The following XIAP variants were observed in gnomAD, a reference collection of about 807,000 sequenced individuals.
The protein encoded by XIAP is E3 ubiquitin-protein ligase XIAP.
Under a neutral mutation model 33.1 loss-of-function variants are expected in XIAP, and 3 were observed. The ratio of observed to expected loss-of-function variants is 0.09; its 90% CI spans 0.04 to 0.23. The LOEUF (loss-of-function observed/expected upper bound fraction) is 0.23, where lower values mean the gene tolerates loss of function less well. Among genes scored for constraint, XIAP ranks in the 10% least tolerant of loss-of-function variants. XIAP has a pLI of 1.00. For missense variants in XIAP, 264 were observed against 363.0 expected (o/e 0.73, Z 2.22); for synonymous variants, 98 against 121.3 (o/e 0.81, Z 1.26).
rs1420455142 is a variant in XIAP at position 123,907,944 on chromosome X, G to A, written c.*763G>A. ...GATATACACCAAACTGTTAAATGTG[G>A]TTTCTCTTCGGGGAGGGGGGGATTG... On this transcript the variant is annotated 3_prime_UTR_variant, in exon 7 of 7. Coordinates refer to ENST00000371199, the MANE Select transcript of XIAP (RefSeq NM_001167.4). 7 of 289,708 alleles carry A rather than the reference G, an allele frequency of 2.4e-5. No homozygotes were observed. Among genetic ancestry groups the A allele is most frequent in the Non-Finnish European group, 3.7e-5 (6 of 161,286 alleles). 23.9% of individuals were successfully genotyped at this position (289,708 alleles called of 1,213,427 possible).
intron 1 of XIAP, among the ~76,000 whole-genome samples, chrX:123,861,492 C>T (rs1385010819): frequency 9.0e-6 from 1 of 110,519 alleles, no homozygotes; most frequent in Non-Finnish European, 1.9e-5. Flanking sequence ...TTCACATGTA[C>T]GTGTGTATAC....
intron 6 of XIAP, among the ~76,000 whole-genome samples, chrX:123,901,242 G>A (rs765848881): frequency 5.4e-5 from 6 of 111,573 alleles, no homozygotes; most frequent in Admixed American, 2.9e-4. Flanking sequence ...AAAATTAGCC[G>A]GGCATGGTGG....
At chrX:123,874,179 A>G (rs766785302) in intron 1 of XIAP, among the ~76,000 whole-genome samples, 1 of 111,934 alleles carries the variant, frequency 8.9e-6, no homozygotes, top group East Asian at 2.8e-4. Flanking sequence ...AAATAACCAG[A>G]TTACACCCAT....
At chrX:123,877,776 A>C (rs1376012439) in intron 1 of XIAP, among the ~76,000 whole-genome samples, 1 of 110,625 alleles carries the variant, frequency 9.0e-6, no homozygotes, top group Non-Finnish European at 1.9e-5. Context: ...GGTCGAGACC[A>C]TCCTGGCTAA....
chrX:123,868,734 A>C (rs1214836394), intron 1 of XIAP, among the ~76,000 whole-genome samples: 1 of 111,612 alleles, frequency 9.0e-6, no homozygotes, highest in African/African-American at 3.3e-5. Context: ...CCTATCTCAA[A>C]AAACAAAAAC....
intron 6 of XIAP, among the ~76,000 whole-genome samples, chrX:123,902,031 G>T (rs1391150243): frequency 9.0e-6 from 1 of 111,282 alleles, no homozygotes; most frequent in African/African-American, 3.3e-5. Flanking sequence ...ACAGGGTTTC[G>T]CCAAGTTGGC....
chrX:123,896,459 A>G (rs922650452), intron 5 of XIAP, among the ~76,000 whole-genome samples: 2 of 111,014 alleles, frequency 1.8e-5, no homozygotes, highest in South Asian at 3.7e-4. Flanking sequence ...AGATCTTTAT[A>G]TATTACAGTT....
At chrX:123,868,140 C>T (rs990473737) in intron 1 of XIAP, among the ~76,000 whole-genome samples, 1 of 105,530 alleles carries the variant, frequency 9.5e-6, no homozygotes, top group Non-Finnish European at 2.0e-5. Flanking sequence ...TGGGCAACAT[C>T]GTGAGACCCC....
In XIAP at chrX:123,885,755, A is replaced by G; in HGVS notation, c.93A>G (p.Lys31=). Residue 31 remains lysine (K), a synonymous_variant, in exon 2 of 7, where the codon AAA becomes AAG. Transcript: ENST00000371199. The stretch of plus-strand genomic sequence containing the variant: ...TTGTAGAAGAGTTTAATAGATTAAA[A>G]ACTTTTGCTAATTTTCCAAGTGGTA... ...EEFVEEFNRL[K]TFANFPSGSP... is the part of the protein sequence containing the mutation. 1 of 1,211,521 alleles carries G rather than the reference A, an allele frequency of 8.3e-7. No individual in the cohort carries two copies. Among genetic ancestry groups the G allele is most frequent in the Non-Finnish European group, 1.1e-6 (1 of 895,459 alleles).
In XIAP at chrX:123,913,198, A is replaced by G. The variant is rs192084571; in HGVS notation, c.*6017A>G. The G allele has an allele frequency of 2.1e-5, 7 of 326,318 alleles. No individual in the cohort carries two copies. Among genetic ancestry groups the G allele is most frequent in the East Asian group, 1.0e-4 (1 of 10,041 alleles). 26.9% of individuals were successfully genotyped at this position (326,318 alleles called of 1,213,427 possible). On this transcript the variant is annotated 3_prime_UTR_variant, in exon 7 of 7. Coordinates refer to ENST00000371199, the MANE Select transcript of XIAP (RefSeq NM_001167.4). The stretch of plus-strand genomic sequence containing the variant: ...TCAAAGTAGACAAATGGCGCCGGGC[A>G]CGGTGGCTCACGCCTGTAATCCCAG...
rs369667954 is a variant in XIAP, at chrX:123,894,952, A to G, written c.1099+2179A>G. Among the ~76,000 whole-genome samples the G allele has an allele frequency of 2.0e-4, 13 of 65,976 alleles. No individual in the cohort carries two copies. In the South Asian group the frequency reaches 3.5e-3, roughly 18 times the overall value. The allele number at this position is 65,976 out of a possible 115,157, so 57.3% of individuals were successfully genotyped here. ...GACCGAGATTCTATCTCAAACATAA[A>G]TAAGTAAATAAATAAATAAATAAAT... On this transcript the variant is annotated intron_variant, in intron 5 of 6. Transcript: ENST00000371199.
rs2053630092 is a variant in XIAP at position 123,913,972 on chromosome X, A to G, written c.*6791A>G. The G allele has an allele frequency of 3.4e-6, 1 of 292,153 alleles. No individual in the cohort carries two copies. The highest frequency in any genetic ancestry group is 4.3e-5 in the Admixed American group (1 of 23,264). The allele number at this position is 292,153 out of a possible 1,213,427, so 24.1% of individuals were successfully genotyped here. On this transcript the variant is annotated 3_prime_UTR_variant, in exon 7 of 7. Transcript: ENST00000371199. ...CAATAAAATACTATTCTTTAAAATT[A>G]TATCATACTACCTTGTATTTGTTTC...
intron 1 of XIAP, among the ~76,000 whole-genome samples, chrX:123,866,765 G>A (rs369768504): frequency 9.5e-6 from 1 of 104,813 alleles, no homozygotes; most frequent in East Asian, 3.0e-4. Context: ...CTGAACCTCC[G>A]CCTCCCAGGT....
At chrX:123,893,662 G>A (rs981896386) in intron 5 of XIAP, among the ~76,000 whole-genome samples, 4 of 111,805 alleles carry the variant, frequency 3.6e-5, no homozygotes, top group South Asian at 3.7e-4. Context: ...CCAACATGGC[G>A]AAACCCCATC....
intron 2 of XIAP, among the ~76,000 whole-genome samples, chrX:123,887,699 T>G (rs1022541598): frequency 1.9e-4 from 21 of 111,327 alleles, no homozygotes; most frequent in African/African-American, 5.2e-4. Flanking sequence ...AAAAAGAAAG[T>G]ATGGCCGGGC....
intron 1 of XIAP, among the ~76,000 whole-genome samples, chrX:123,880,756 A>T (rs1204024825): frequency 2.0e-5 from 2 of 100,761 alleles, no homozygotes; most frequent in East Asian, 5.9e-4. Flanking sequence ...AAAAAAAAAA[A>T]GGGAGAAATA....
chrX:123,878,010 G>GA (rs1373407282), intron 1 of XIAP, among the ~76,000 whole-genome samples: 2 of 110,234 alleles, frequency 1.8e-5, no homozygotes, highest in Non-Finnish European at 3.8e-5. Flanking sequence ...ATAGTTAAAG[G>GA]AAAAATTCAC....
intron 6 of XIAP, among the ~76,000 whole-genome samples, chrX:123,906,618 C>T (rs1176429247): frequency 9.0e-6 from 1 of 111,726 alleles, no homozygotes; most frequent in Non-Finnish European, 1.9e-5. Flanking sequence ...TGGCAAATGA[C>T]TGTCCATGCT....
At position 123,908,002 on chromosome X, in the gene XIAP, C is replaced by T. The variant is rs777404069; in HGVS notation, c.*821C>T. ...GGCCCCAGAGGGGTTTTATAGGGGC[C>T]TTTTCACTTTCTACTTTTTTCATTT... On this transcript the variant is annotated 3_prime_UTR_variant, in exon 7 of 7. Coordinates refer to ENST00000371199, the MANE Select transcript of XIAP (RefSeq NM_001167.4). 6.5e-5 allele frequency: 24 copies of T among 370,848 alleles called. No individual in the cohort carries two copies. The East Asian group carries it at 1.3e-3, about 21-fold the overall frequency. 30.6% of individuals were successfully genotyped at this position (370,848 alleles called of 1,213,427 possible).
Sources: allele counts gnomAD v4.1 joint callset (sites outside exome capture counted in the v4.1 genomes callset), GRCh38; gene constraint gnomAD v4.1.1; transcripts MANE v1.5; gene names NCBI Gene and HGNC (gene_info 2026-07-23, HGNC 2026-07-21).